The following SFXN1 variants were observed in gnomAD, a reference collection of about 807,000 sequenced individuals.
SFXN1 encodes the protein sideroflexin 1, also known as sideroflexin-1.
In SFXN1, 32 loss-of-function variants were observed where a neutral mutation model predicts 39.5. That is an observed-to-expected ratio of 0.81 (90% CI 0.61 to 1.09). The LOEUF (loss-of-function observed/expected upper bound fraction) is 1.09. SFXN1 is among the 50% of genes least tolerant of loss of function. The pLI is 0.00. For synonymous variants in SFXN1, 136 were observed against 146.5 expected (o/e 0.93, Z 0.52); for missense variants, 402 against 407.1 (o/e 0.99, Z 0.11).
intron 1 of SFXN1, among the ~76,000 whole-genome samples, chr5:175,483,084 A>G (rs924053525): frequency 6.6e-6 from 1 of 152,200 alleles, no homozygotes; most frequent in African/African-American, 2.4e-5. Context: ...ATGAAACTAT[A>G]TTTACTCAAA....
chr5:175,513,880 C>A, intron 7 of SFXN1: 1 of 269,874 alleles, frequency 3.7e-6, no homozygotes, highest in Non-Finnish European at 7.4e-6. Context: ...CAGAGGGAAC[C>A]ACAGGCAGGA....
intron 6 of SFXN1, among the ~76,000 whole-genome samples, chr5:175,513,203 G>A (rs1354362701): frequency 6.6e-6 from 1 of 150,816 alleles, no homozygotes; most frequent in Non-Finnish European, 1.5e-5. Flanking sequence ...GGGAGGCTGA[G>A]GCAGGAGAAT....
chr5:175,522,266 G>T, intron 9 of SFXN1, 109 bp from the exon 10 acceptor site: 1 of 1,135,736 alleles, frequency 8.8e-7, no homozygotes. Flanking sequence ...AGACAACACA[G>T]AACGTAATGC....
At chr5:175,499,082 C>T (rs1451054491) in intron 2 of SFXN1, among the ~76,000 whole-genome samples, 4 of 152,026 alleles carry the variant, frequency 2.6e-5, no homozygotes, top group African/African-American at 4.8e-5. Context: ...TGGTAAAACC[C>T]CATCTCTACT....
rs150366178 is a variant in SFXN1, at chr5:175,501,416, A to G, written c.165-7616A>G. On this transcript the variant is annotated intron_variant, in intron 2 of 10. Coordinates refer to ENST00000321442, the MANE Select transcript of SFXN1 (RefSeq NM_022754.7). ...AAGATATAAGAATGGACAATTATCA[A>G]TTGAAACGGAAAGAAGAGAAAAACA... Among the ~76,000 whole-genome samples the G allele has an allele frequency of 1.6e-3, 237 of 152,294 alleles. 1 individual carries two copies. The South Asian group carries it at 0.017, about 11-fold the overall frequency.
At chr5:175,488,992 A>T (rs1759555123) in intron 1 of SFXN1, among the ~76,000 whole-genome samples, 1 of 152,156 alleles carries the variant, frequency 6.6e-6, no homozygotes, top group African/African-American at 2.4e-5. Flanking sequence ...CTGCCATCCC[A>T]GTGTCAGCAC....
chr5:175,506,357 TAAC>T (rs1760293400), intron 2 of SFXN1, among the ~76,000 whole-genome samples: 1 of 152,084 alleles, frequency 6.6e-6, no homozygotes, highest in Non-Finnish European at 1.5e-5. Context: ...ATTACATAAA[TAAC>T]AATGATGCTG....
intron 2 of SFXN1, among the ~76,000 whole-genome samples, chr5:175,502,552 C>T (rs1484997899): frequency 2.6e-5 from 4 of 152,196 alleles, no homozygotes; most frequent in Non-Finnish European, 5.9e-5. Context: ...TGATAAATAA[C>T]GTACTGGCCG....
intron 8 of SFXN1, among the ~76,000 whole-genome samples, chr5:175,519,516 G>A (rs903543954): frequency 1.3e-5 from 2 of 152,158 alleles, no homozygotes; most frequent in African/African-American, 2.4e-5. Flanking sequence ...TAACAAACTA[G>A]TGCTACACAC....
chr5:175,524,428 T>C (rs156376), intron 10 of SFXN1, among the ~76,000 whole-genome samples: 39,943 of 151,546 alleles, frequency 0.26, 7,555 homozygotes, highest in African/African-American at 0.54. Context: ...TTCATTGTTG[T>C]TGTTGTATAA....
chr5:175,512,252 T>TC, intron 6 of SFXN1, 56 bp downstream of exon 6: 1 of 1,463,666 alleles, frequency 6.8e-7, no homozygotes. Context: ...GAGTCTCTTG[T>TC]AATAATTAGC....
chr5:175,499,366 G>T (rs1759987726), intron 2 of SFXN1, among the ~76,000 whole-genome samples: 1 of 151,916 alleles, frequency 6.6e-6, no homozygotes, highest in African/African-American at 2.4e-5. Flanking sequence ...TGCAAAACCA[G>T]AAAAAGGGAT....
chr5:175,498,883 A>G (rs1273918838), intron 2 of SFXN1, among the ~76,000 whole-genome samples: 1 of 152,228 alleles, frequency 6.6e-6, no homozygotes, highest in Non-Finnish European at 1.5e-5. Context: ...AGATGGTAAT[A>G]AAATAAAAAT....
At chr5:175,512,009 T>C (rs1760535341) in intron 5 of SFXN1, 102 bp from the exon 6 acceptor site, 4 of 1,059,756 alleles carry the variant, frequency 3.8e-6, no homozygotes, top group Non-Finnish European at 5.5e-6. Flanking sequence ...TCTATGCAAA[T>C]GGGACTCTGC....
chr5:175,492,159 G>A lies in SFXN1; in HGVS notation c.56G>A (p.Ser19Asn), dbSNP rs1167279459. 2 of 1,614,042 alleles carry A rather than the reference G, an allele frequency of 1.2e-6. No individual in the cohort carries two copies. Among genetic ancestry groups the A allele is most frequent in the Non-Finnish European group, 1.7e-6 (2 of 1,179,986 alleles). ...ATCAAGGAACCTCGATGGGATCAAAGCACTTTCATTGGACGAGCCAATCAT... is the reference window on the plus strand; with the variant it reads ...ATCAAGGAACCTCGATGGGATCAAAACACTTTCATTGGACGAGCCAATCAT... ...INIKEPRWDQ[S>N]TFIGRANHFF... is the part of the protein sequence containing the mutation. The change falls in exon 2 of 11, where the codon AGC becomes AAC. Residue 19 changes from serine to asparagine, a missense_variant. Physicochemically the swap from Ser to Asn is conservative, Grantham distance 46. Transcript: ENST00000321442.
intron 10 of SFXN1, 192 bp downstream of exon 10, chr5:175,522,614 C>A: frequency 1.9e-6 from 1 of 514,156 alleles, no homozygotes; most frequent in Non-Finnish European, 3.4e-6. Flanking sequence ...ATGCACCCAG[C>A]TCTTTTCTAC....
intron 10 of SFXN1, among the ~76,000 whole-genome samples, chr5:175,525,274 T>G (rs1464692790): frequency 6.6e-6 from 1 of 152,220 alleles, no homozygotes; most frequent in African/African-American, 2.4e-5. Flanking sequence ...TCAAGAAAGA[T>G]CTGCCTTCAA....
intron 2 of SFXN1, among the ~76,000 whole-genome samples, chr5:175,498,533 G>C (rs915479259): frequency 2.6e-5 from 4 of 152,116 alleles, no homozygotes; most frequent in Admixed American, 1.3e-4. Context: ...TTAAAAGTCT[G>C]AAATTAATTA....
chr5:175,501,319 C>T (rs899179607), intron 2 of SFXN1, among the ~76,000 whole-genome samples: 31 of 152,206 alleles, frequency 2.0e-4, no homozygotes, highest in African/African-American at 6.7e-4. Context: ...CCGCCCGCCT[C>T]GGCCCCCGAA....
Sources: allele counts gnomAD v4.1 joint callset (sites outside exome capture counted in the v4.1 genomes callset), GRCh38; gene constraint gnomAD v4.1.1; transcripts MANE v1.5; gene names NCBI Gene and HGNC (gene_info 2026-07-23, HGNC 2026-07-21).